The following CTNNA2 variants were observed in gnomAD, a reference collection of about 807,000 sequenced individuals.
CTNNA2 encodes the protein catenin alpha-2.
In CTNNA2, 42 loss-of-function variants were observed where a neutral mutation model predicts 101.0. The ratio of observed to expected loss-of-function variants is 0.42; its 90% CI spans 0.32 to 0.54. CTNNA2 has a LOEUF of 0.54. Ranked by LOEUF, CTNNA2 falls within the 20% of genes least tolerant of loss-of-function variation. CTNNA2 has a pLI of 0.14. For missense variants in CTNNA2, 871 were observed against 1,223.1 expected (o/e 0.71, Z 4.29); for synonymous variants, 450 against 456.4 (o/e 0.99, Z 0.18).
At chr2:80,277,043 A>C (rs2149150945) in intron 7 of CTNNA2, among the ~76,000 whole-genome samples, 1 of 152,306 alleles carries the variant, frequency 6.6e-6, no homozygotes, top group African/African-American at 2.4e-5. Context: ...GGAGGTTCTG[A>C]CAACTTCCTT....
intron 7 of CTNNA2, among the ~76,000 whole-genome samples, chr2:80,301,486 C>T (rs770447504): frequency 1.3e-5 from 2 of 152,180 alleles, no homozygotes; most frequent in African/African-American, 4.8e-5. Flanking sequence ...AAAAATGTTT[C>T]GTGTTCCTAG....
chr2:79,335,137 T>C (rs1160297668), intron 3 of CTNNA2, among the ~76,000 whole-genome samples: 2 of 152,304 alleles, frequency 1.3e-5, no homozygotes, highest in South Asian at 2.1e-4. Context: ...GAATTCGTTA[T>C]CAGATCAAGC....
At chr2:79,483,222 C>T (rs750226916) in intron 4 of CTNNA2, among the ~76,000 whole-genome samples, 1 of 152,176 alleles carries the variant, frequency 6.6e-6, no homozygotes, top group African/African-American at 2.4e-5. Flanking sequence ...ACTTTTAAAG[C>T]TCCTCAAAGA....
At chr2:79,981,837 GAAAA>G (rs1431848302) in intron 7 of CTNNA2, among the ~76,000 whole-genome samples, 1 of 151,350 alleles carries the variant, frequency 6.6e-6, no homozygotes, top group Admixed American at 6.6e-5. Flanking sequence ...AATGAAATAG[GAAAA>G]AAAAGTATAA....
intron 7 of CTNNA2, among the ~76,000 whole-genome samples, chr2:80,310,972 CAAA>C (rs3040535): frequency 4.1e-5 from 4 of 96,400 alleles, no homozygotes; most frequent in East Asian, 5.8e-4. Context: ...GACTCCATCT[CAAA>C]AAAAAAAAAA....
chr2:80,342,414 T>G (rs1013376254), intron 7 of CTNNA2, among the ~76,000 whole-genome samples: 1 of 152,244 alleles, frequency 6.6e-6, no homozygotes, highest in Non-Finnish European at 1.5e-5. Context: ...TTGAAGTCAG[T>G]TCTTGTAAAT....
chr2:80,248,691 TCA>T (rs1288267708), intron 7 of CTNNA2, among the ~76,000 whole-genome samples: 1 of 152,172 alleles, frequency 6.6e-6, no homozygotes, highest in Admixed American at 6.5e-5. Context: ...GCCATCTCTC[TCA>T]GAGGTGCTGG....
At chr2:79,750,663 C>G (rs1671965330) in intron 3 of CTNNA2, among the ~76,000 whole-genome samples, 1 of 151,980 alleles carries the variant, frequency 6.6e-6, no homozygotes, top group Non-Finnish European at 1.5e-5. Flanking sequence ...GAGATTAAGA[C>G]CATCCTGGCT....
intron 7 of CTNNA2, among the ~76,000 whole-genome samples, chr2:80,135,931 G>A (rs1485459758): frequency 6.6e-6 from 1 of 152,098 alleles, no homozygotes; most frequent in Non-Finnish European, 1.5e-5. Context: ...CACTGTCCAT[G>A]CTTGCTAACC....
At chr2:79,464,760 C>T (rs966208808) in intron 4 of CTNNA2, among the ~76,000 whole-genome samples, 1 of 151,926 alleles carries the variant, frequency 6.6e-6, no homozygotes, top group African/African-American at 2.4e-5. Context: ...TTTCATGTGT[C>T]TTTTGGCTGC....
chr2:79,503,319 C>G (rs186468201), intron 4 of CTNNA2, among the ~76,000 whole-genome samples: 13 of 152,134 alleles, frequency 8.5e-5, no homozygotes, highest in Admixed American at 7.2e-4. Flanking sequence ...ACTGATACTA[C>G]GTGGTATATG....
chr2:79,638,737 C>T (rs897473709), intron 1 of CTNNA2, among the ~76,000 whole-genome samples: 23 of 152,274 alleles, frequency 1.5e-4, no homozygotes, highest in African/African-American at 5.3e-4. Flanking sequence ...AACTCACCAG[C>T]ACATGTGTAG....
intron 7 of CTNNA2, among the ~76,000 whole-genome samples, chr2:80,205,891 A>G (rs1156354649): frequency 1.3e-5 from 2 of 152,268 alleles, no homozygotes; most frequent in African/African-American, 4.8e-5. Context: ...CTTGAATATA[A>G]CAACTGACAC....
At position 79,848,202 on chromosome 2, in the gene CTNNA2, C is replaced by A. The variant is rs77638922; in HGVS notation, c.299-9811C>A. On this transcript the variant is annotated intron_variant, in intron 3 of 18. Transcript: ENST00000402739. Reference sequence around the variant, plus strand: ...CAATAGGTTTTCTTTAGTATATATACGATATAGTGTCCTTATTTCAGAAAT... The same window carrying A: ...CAATAGGTTTTCTTTAGTATATATAAGATATAGTGTCCTTATTTCAGAAAT... Among the ~76,000 whole-genome samples, 689 of 152,196 alleles carry A rather than the reference C, an allele frequency of 4.5e-3. 16 individuals are homozygous for A. Among genetic ancestry groups the A allele is most frequent in the East Asian group, 0.042 (217 of 5,180 alleles).
intron 2 of CTNNA2, among the ~76,000 whole-genome samples, chr2:79,739,917 T>C (rs1267176794): frequency 6.6e-6 from 1 of 152,240 alleles, no homozygotes; most frequent in Non-Finnish European, 1.5e-5. Context: ...GGTGGATCCA[T>C]GGGACAAGGT....
chr2:80,096,873 A>G (rs1360522850), intron 7 of CTNNA2, among the ~76,000 whole-genome samples: 1 of 151,822 alleles, frequency 6.6e-6, no homozygotes, highest in Non-Finnish European at 1.5e-5. Flanking sequence ...ATTTTCGTCC[A>G]TCCCTTTATT....
intron 9 of CTNNA2, among the ~76,000 whole-genome samples, chr2:80,420,078 A>G (rs1273432489): frequency 6.6e-6 from 1 of 150,904 alleles, no homozygotes; most frequent in Non-Finnish European, 1.5e-5. Flanking sequence ...CCTTCCCCAA[A>G]GAGATGTTTG....
intron 8 of CTNNA2, among the ~76,000 whole-genome samples, chr2:80,398,202 G>T (rs1678209263): frequency 6.6e-6 from 1 of 152,156 alleles, no homozygotes; most frequent in Admixed American, 6.5e-5. Context: ...ACAGAAAAAA[G>T]AGAATGTTAA....
chr2:79,468,083 CA>C (rs941012244), intron 4 of CTNNA2, among the ~76,000 whole-genome samples: 5 of 152,034 alleles, frequency 3.3e-5, no homozygotes, highest in African/African-American at 1.2e-4. Flanking sequence ...CACAGACTAG[CA>C]AATTAGATAA....
Sources: allele counts gnomAD v4.1 joint callset (sites outside exome capture counted in the v4.1 genomes callset), GRCh38; gene constraint gnomAD v4.1.1; transcripts MANE v1.5; gene names NCBI Gene and HGNC (gene_info 2026-07-23, HGNC 2026-07-21).